The following AGTPBP1 variants were observed in gnomAD, a reference collection of about 807,000 sequenced individuals.
The protein encoded by AGTPBP1 is cytosolic carboxypeptidase 1.
In AGTPBP1, 70 loss-of-function variants were observed where a neutral mutation model predicts 143.9. The observed-to-expected ratio is 0.49, with a 90% CI of 0.40 to 0.59. The LOEUF (loss-of-function observed/expected upper bound fraction) is 0.59, where lower values mean the gene tolerates loss of function less well. AGTPBP1 is among the 20% of genes least tolerant of loss of function. The probability of loss-of-function intolerance (pLI) is 0.00; values close to 1 mark genes in which losing one functional copy is unlikely to be tolerated. For synonymous variants in AGTPBP1, 463 were observed against 500.2 expected, an observed-to-expected ratio of 0.93 and a Z score of 0.99; for missense variants, 1,229 against 1,464.5, an observed-to-expected ratio of 0.84 and a Z score of 2.62.
chr9:85,718,882 C>T (rs1391979616), intron 1 of AGTPBP1, among the ~76,000 whole-genome samples: 2 of 152,198 alleles, frequency 1.3e-5, no homozygotes, highest in African/African-American at 2.4e-5. Flanking sequence ...CAGCTTTCTA[C>T]ATATGGCTCG....
chr9:85,548,261 C>A (rs1825837451), intron 25 of AGTPBP1, among the ~76,000 whole-genome samples: 1 of 152,152 alleles, frequency 6.6e-6, no homozygotes. Context: ...ATTCCTGCAA[C>A]TGAGTATGAA....
the AGTPBP1 span, chr9:85,764,759 C>T: frequency 1.5e-6 from 2 of 1,303,532 alleles, no homozygotes; most frequent in East Asian, 2.3e-5. Context: ...CTTAATGGAA[C>T]AAGACTTCTC....
chr9:85,703,083 T>C (rs1836773567), intron 2 of AGTPBP1, among the ~76,000 whole-genome samples: 2 of 152,206 alleles, frequency 1.3e-5, no homozygotes, highest in Non-Finnish European at 2.9e-5. Context: ...TATCTTCACT[T>C]CCTCCCAAGT....
intron 13 of AGTPBP1, among the ~76,000 whole-genome samples, chr9:85,637,821 T>C (rs1832172062): frequency 6.6e-6 from 1 of 152,218 alleles, no homozygotes; most frequent in South Asian, 2.1e-4. Flanking sequence ...TTTTTAAAAG[T>C]AACCAGAGAA....
intron 14 of AGTPBP1, among the ~76,000 whole-genome samples, chr9:85,625,510 T>A (rs928493730): frequency 2.6e-5 from 4 of 152,214 alleles, no homozygotes; most frequent in South Asian, 2.1e-4. Context: ...GCGTATTTTT[T>A]AAAAATATCT....
chr9:85,627,646 G>A (rs892640200), intron 14 of AGTPBP1, among the ~76,000 whole-genome samples: 2 of 152,106 alleles, frequency 1.3e-5, no homozygotes, highest in Non-Finnish European at 2.9e-5. Flanking sequence ...ACTTATTTGT[G>A]GATTTTCCTT....
Position 85,696,662 on chromosome 9 carries a change from G to A in AGTPBP1, c.33-3849C>T, listed in dbSNP as rs570358008. 6.7e-5 allele frequency among the ~76,000 whole-genome samples: 10 copies of A among 149,518 alleles called. No individual in the cohort carries two copies. In the South Asian group the frequency reaches 8.5e-4, roughly 13 times the overall value. ...AAACTGGGTGACAGAGCAAGACTCC[G>A]TCTCAAAAAAAAAAAAAGTATCAAT... is the stretch of plus-strand genomic sequence containing the variant. On this transcript the variant is annotated intron_variant, in intron 2 of 25. Coordinates refer to ENST00000357081, the MANE Select transcript of AGTPBP1 (RefSeq NM_001330701.2).
chr9:85,673,594 A>G (rs928676229), intron 6 of AGTPBP1, among the ~76,000 whole-genome samples: 3 of 152,168 alleles, frequency 2.0e-5, no homozygotes, highest in African/African-American at 7.2e-5. Context: ...CAGTAAAAAA[A>G]ATTTTAAATA....
chr9:85,789,520 G>A, the AGTPBP1 span, among the ~76,000 whole-genome samples: 1 of 152,086 alleles, frequency 6.6e-6, no homozygotes, highest in Non-Finnish European at 1.5e-5. Context: ...TACTTTCCTA[G>A]CTCTAGAGTG....
intron 14 of AGTPBP1, among the ~76,000 whole-genome samples, chr9:85,630,387 C>CTTAT (rs1245325032): frequency 6.9e-5 from 10 of 144,230 alleles, no homozygotes; most frequent in South Asian, 2.2e-4. Flanking sequence ...TACTTACTTA[C>CTTAT]TTACTTATTT....
chr9:85,596,081 G>C (rs1411014442), intron 18 of AGTPBP1, among the ~76,000 whole-genome samples: 1 of 152,172 alleles, frequency 6.6e-6, no homozygotes, highest in African/African-American at 2.4e-5. Flanking sequence ...AAAGTTTCCA[G>C]AGTTTTAAAG....
intron 17 of AGTPBP1, among the ~76,000 whole-genome samples, chr9:85,604,117 A>T (rs1829847436): frequency 6.6e-6 from 1 of 152,180 alleles, no homozygotes; most frequent in South Asian, 2.1e-4. Context: ...GCCTTGAGTG[A>T]ACACATCAGC....
In AGTPBP1 at chr9:85,589,543, G is replaced by A. The variant is rs1828824201; in HGVS notation, c.2707C>T (p.His903Tyr). ...TAMPESNYYEHICHFRNRPYV... is the reference protein window; with the variant it reads ...TAMPESNYYEYICHFRNRPYV... ...ACAAACTTACTGAAATGGCAGATAT[G>A]TTCATAATAATTAGACTCTGGCATT... The change falls in exon 20 of 26, where the codon CAT becomes TAT. Residue 903 changes from histidine (H) to tyrosine (Y), a missense_variant. Transcript: ENST00000357081. The A allele has an allele frequency of 6.2e-7, 1 of 1,607,930 alleles. No homozygotes were observed. Among genetic ancestry groups the A allele is most frequent in the Non-Finnish European group, 8.5e-7 (1 of 1,178,132 alleles).
chr9:85,579,928 G>A (rs1012991862), intron 23 of AGTPBP1, among the ~76,000 whole-genome samples: 2 of 151,386 alleles, frequency 1.3e-5, no homozygotes, highest in Non-Finnish European at 2.9e-5. Context: ...ACTATAAATA[G>A]TAAACATGGA....
chr9:85,724,143 C>T (rs1330285305), intron 1 of AGTPBP1, among the ~76,000 whole-genome samples: 5 of 151,738 alleles, frequency 3.3e-5, no homozygotes, highest in South Asian at 2.1e-4. Flanking sequence ...AAAAATTAGC[C>T]GGGTGTGGTG....
chr9:85,650,900 A>G lies in AGTPBP1; in HGVS notation c.1087+4243T>C, dbSNP rs183112190. 2.3e-3 allele frequency among the ~76,000 whole-genome samples: 343 copies of G among 152,226 alleles called. 3 individuals are homozygous for G. Among genetic ancestry groups the G allele is most frequent in the African/African-American group, 7.9e-3 (328 of 41,542 alleles). On this transcript the variant is annotated intron_variant, in intron 11 of 25. Coordinates refer to ENST00000357081, the MANE Select transcript of AGTPBP1 (RefSeq NM_001330701.2). ...CACTGCCTTGTTTTAATCATTTTTT[A>G]TTCTGTATTCGTGTTTTGTTTAACA... is the stretch of plus-strand genomic sequence containing the variant.
At chr9:85,737,078 C>T (rs1369419252) in intron 1 of AGTPBP1, among the ~76,000 whole-genome samples, 2 of 152,102 alleles carry the variant, frequency 1.3e-5, no homozygotes, top group African/African-American at 4.8e-5. Flanking sequence ...TGCACTCCAG[C>T]CTGGGCGACA....
rs1433664961 is a variant in AGTPBP1 at position 85,740,363 on chromosome 9, T to C, written c.-34+1412A>G. Among the ~76,000 whole-genome samples the C allele has an allele frequency of 2.6e-5, 4 of 152,020 alleles. No individual in the cohort carries two copies. The East Asian group carries it at 7.7e-4, about 29-fold the overall frequency. On this transcript the variant is annotated intron_variant, in intron 1 of 25. Transcript: ENST00000357081. ...ACCATAGAATTTAACTTAAGAGAAG[T>C]GGAATGGGAAAAAGAGCAAGTCATA...
chr9:85,632,585 C>A (rs1831748879), intron 14 of AGTPBP1, 77 bp downstream of exon 14: 1 of 1,271,296 alleles, frequency 7.9e-7, no homozygotes, highest in Non-Finnish European at 1.1e-6. Flanking sequence ...TCCTAAATGC[C>A]CAAAGTAATT....
Sources: gnomAD v4.1 joint callset for allele counts (sites outside exome capture counted in the v4.1 genomes callset) on GRCh38, gnomAD v4.1.1 for gene constraint, MANE v1.5 for transcripts, NCBI Gene and HGNC (gene_info 2026-07-23, HGNC 2026-07-21) for gene names.